TRIM36: variants seen among roughly 807,000 people sequenced by gnomAD.
TRIM36 encodes tripartite motif containing 36.
TRIM36 carries 42 observed loss-of-function variants against 72.4 expected under a neutral mutation model. That is an observed-to-expected ratio of 0.58 (90% CI 0.45 to 0.75). The LOEUF is 0.75. Ranked by LOEUF, TRIM36 falls within the 30% of genes least tolerant of loss-of-function variation. The pLI, the probability that TRIM36 is intolerant of heterozygous loss-of-function variation, is 0.00. For missense variants in TRIM36, 913 were observed against 857.1 expected (o/e 1.07, Z -0.81); for synonymous variants, 315 against 282.8 (o/e 1.11, Z -1.14).
intron 1 of TRIM36, 55 bp downstream of exon 1, chr5:115,169,553 G>A: frequency 6.7e-7 from 1 of 1,484,812 alleles, no homozygotes; most frequent in African/African-American, 1.4e-5. Flanking sequence ...AAGAGAAAGA[G>A]CCGCGGTCGG....
chr5:115,140,294 T>G (rs1753207284), intron 5 of TRIM36, among the ~76,000 whole-genome samples: 1 of 152,220 alleles, frequency 6.6e-6, no homozygotes, highest in African/African-American at 2.4e-5. Context: ...CAACTTTGTT[T>G]CAAATGGAGA....
At position 115,147,066 on chromosome 5, in the gene TRIM36, T is replaced by C; in HGVS notation, c.588+3A>G. The stretch of plus-strand genomic sequence containing the variant: ...ATTCTAACTTAATAAAAACTTCACT[T>C]ACCTTGGGTCTGAAGTTAGTAGTTG... On this transcript the variant is annotated splice_donor_region_variant and intron_variant, in intron 3 of 9. Coordinates refer to ENST00000513154, the MANE Select transcript of TRIM36 (RefSeq NM_001300759.2). 2 of 1,602,628 alleles carry C rather than the reference T, an allele frequency of 1.2e-6. No individual in the cohort carries two copies. Among genetic ancestry groups the C allele is most frequent in the Middle Eastern group, 1.7e-4 (1 of 6,008 alleles).
intron 1 of TRIM36, among the ~76,000 whole-genome samples, chr5:115,178,613 T>C (rs544005486): frequency 6.6e-6 from 1 of 152,194 alleles, no homozygotes; most frequent in African/African-American, 2.4e-5. Context: ...TCGGATATAC[T>C]GGACAGTGTG....
At position 115,125,036 on chromosome 5, in the gene TRIM36, C is replaced by G. The variant is rs772268225; in HGVS notation, c.*1467G>C. ...TGGGAAATTAACAGCCTGCTAAACA[C>G]TGAAGTTCTCCATGATATTTGCTAC... is the stretch of plus-strand genomic sequence containing the variant. On this transcript the variant is annotated 3_prime_UTR_variant, in exon 10 of 10. Coordinates refer to ENST00000513154, the MANE Select transcript of TRIM36 (RefSeq NM_001300759.2). The G allele has an allele frequency of 1.0e-4, 16 of 152,408 alleles. No individual in the cohort carries two copies. Among genetic ancestry groups the G allele is most frequent in the Admixed American group, 2.0e-4 (3 of 15,232 alleles). The allele number at this position is 152,408 out of a possible 1,614,324, so 9.4% of individuals were successfully genotyped here.
chr5:115,170,357 C>T (rs571319002), upstream of TRIM36, among the ~76,000 whole-genome samples: 1 of 152,222 alleles, frequency 6.6e-6, no homozygotes, highest in Non-Finnish European at 1.5e-5. Flanking sequence ...ACTGCGCTTT[C>T]TTCACTCGCG....
Position 115,137,156 on chromosome 5 carries a change from C to A in TRIM36, c.1086-32G>T, listed in dbSNP as rs190325450. On this transcript the variant is annotated intron_variant, in intron 6 of 9. Coordinates refer to ENST00000513154, the MANE Select transcript of TRIM36 (RefSeq NM_001300759.2). ...ACAGATATTTTATATAAAAATGTTT[C>A]TTTAAGAAGTCAAATCAGACTAAAT... 3.2e-6 allele frequency: 5 copies of A among 1,542,968 alleles called. No individual in the cohort carries two copies. The African/African-American group carries it at 5.6e-5, about 17-fold the overall frequency.
intron 1 of TRIM36, 94 bp downstream of exon 1, chr5:115,169,514 G>C: frequency 7.4e-7 from 1 of 1,359,704 alleles, no homozygotes; most frequent in Non-Finnish European, 9.9e-7. Context: ...CTCCCGGGAG[G>C]AGGCTCCCTC....
chr5:115,148,326 C>T (rs941858480), intron 2 of TRIM36: 2 of 984,334 alleles, frequency 2.0e-6, no homozygotes, highest in Non-Finnish European at 2.4e-6. Flanking sequence ...CAATGCATGA[C>T]AGTCCTTACC....
At chr5:115,155,530 G>C (rs1754129318) in intron 2 of TRIM36, among the ~76,000 whole-genome samples, 1 of 152,082 alleles carries the variant, frequency 6.6e-6, no homozygotes, top group African/African-American at 2.4e-5. Flanking sequence ...CAATAAATGT[G>C]ATACACCACA....
At chr5:115,141,431 G>A in intron 4 of TRIM36, 57 bp from the exon 5 acceptor site, 1 of 1,312,096 alleles carries the variant, frequency 7.6e-7, no homozygotes, top group Non-Finnish European at 1.0e-6. Flanking sequence ...CAAAGACTTT[G>A]CAGAATTTTT....
intron 2 of TRIM36, chr5:115,149,369 G>A (rs1420363257): frequency 2.0e-5 from 3 of 151,586 alleles, no homozygotes; most frequent in African/African-American, 7.3e-5. Context: ...ATAATCGCAG[G>A]TTTCCACACA....
At chr5:115,139,001 A>T (rs184656134) in intron 5 of TRIM36, among the ~76,000 whole-genome samples, 1 of 151,370 alleles carries the variant, frequency 6.6e-6, no homozygotes, top group Non-Finnish European at 1.5e-5. Context: ...TTGTATTTTT[A>T]GTAGAGATGG....
intron 1 of TRIM36, among the ~76,000 whole-genome samples, chr5:115,176,690 T>TA (rs978511379): frequency 9.2e-5 from 14 of 152,256 alleles, no homozygotes; most frequent in Admixed American, 5.2e-4. Context: ...GAAGCGGTGA[T>TA]AAAAAAATTA....
At chr5:115,135,298 C>G (rs984203385) in intron 7 of TRIM36, among the ~76,000 whole-genome samples, 1 of 152,002 alleles carries the variant, frequency 6.6e-6, no homozygotes, top group Non-Finnish European at 1.5e-5. Context: ...CTCCTTATTC[C>G]CCAATGTATA....
Position 115,137,007 on chromosome 5 carries a change from G to A in TRIM36, c.1203C>T (p.Phe401=). The change falls in exon 7 of 10, where the codon TTC becomes TTT. Residue 401 remains phenylalanine (F), a synonymous_variant. Transcript: ENST00000513154. Reference sequence around the variant, plus strand: ...GCCTTCATTAAGACTTACCACTAGAGAAAAAGGATAATTCTCCAAGAAGTT... The same window carrying A: ...GCCTTCATTAAGACTTACCACTAGAAAAAAAGGATAATTCTCCAAGAAGTT... ...QTELLGELSF[F]SSGIDVPEIN... 6.3e-7 allele frequency: 1 copy of A among 1,595,290 alleles called. No individual in the cohort carries two copies. The highest frequency in any genetic ancestry group is 8.5e-7 in the Non-Finnish European group (1 of 1,173,802).
rs749345057 is a variant in TRIM36, at chr5:115,144,626, G to C, written c.707C>G (p.Thr236Ser). 10 of 1,613,910 alleles carry C rather than the reference G, an allele frequency of 6.2e-6. No individual in the cohort carries two copies. The East Asian group carries it at 1.8e-4, about 29-fold the overall frequency. ...TAAGGTTTTGTAGGCACTGCTCATA[G>C]TGGTTACACGGTGGTTGGCATGATT... The part of the protein sequence containing the change: ...GGNHANHRVT[T>S]MSSAYKTLKE... The change falls in exon 4 of 10, where the codon ACT (threonine) becomes AGT (serine). Residue 236 changes from threonine (T) to serine (S), a missense_variant. Coordinates refer to ENST00000513154, the MANE Select transcript of TRIM36 (RefSeq NM_001300759.2).
At chr5:115,175,981 C>T (rs1202630955) in intron 1 of TRIM36, among the ~76,000 whole-genome samples, 1 of 152,004 alleles carries the variant, frequency 6.6e-6, no homozygotes, top group African/African-American at 2.4e-5. Context: ...AAAAAATTAG[C>T]CGGGCATGGT....
rs749185502 is a variant in TRIM36 at position 115,130,723 on chromosome 5, A to G, written c.1665T>C (p.Thr555=). The stretch of plus-strand genomic sequence containing the variant: ...AGAAGTGTTTTCCTTTTGTAATGCC[A>G]GTATCTCCAATGATGTAGTCTAAGC... ...YTSLDYIIGD[T]GITKGKHFWA... The change falls in exon 9 of 10, where the codon ACT becomes ACC. Residue 555 remains threonine, a synonymous_variant. Transcript: ENST00000513154. The G allele has an allele frequency of 1.2e-6, 2 of 1,614,172 alleles. No individual in the cohort carries two copies. Among genetic ancestry groups the G allele is most frequent in the Admixed American group, 1.7e-5 (1 of 60,016 alleles).
At position 115,137,403 on chromosome 5, in the gene TRIM36, G is replaced by C. The variant is rs1357956166; in HGVS notation, c.1045C>G (p.Gln349Glu). Residue 349 changes from glutamine to glutamate, a missense_variant, in exon 6 of 10, where the codon CAG becomes GAG. Gln to Glu is a conservative substitution (Grantham distance 29). Coordinates refer to ENST00000513154, the MANE Select transcript of TRIM36 (RefSeq NM_001300759.2). The stretch of plus-strand genomic sequence containing the variant: ...TTTGCTGTCTGCACAAAGCAAGACT[G>C]ATCTGTCTCCTTTAGCACTTCTTGA... ...YAQEVLKETD[Q>E]SCFVQTAKQL... is the part of the protein sequence containing the mutation. 1 of 1,614,012 alleles carries C rather than the reference G, an allele frequency of 6.2e-7. No homozygotes were observed. Among genetic ancestry groups the C allele is most frequent in the East Asian group, 2.2e-5 (1 of 44,864 alleles).
Sources: gnomAD v4.1 joint callset for allele counts (sites outside exome capture counted in the v4.1 genomes callset) on GRCh38, gnomAD v4.1.1 for gene constraint, MANE v1.5 for transcripts, NCBI Gene and HGNC (gene_info 2026-07-23, HGNC 2026-07-21) for gene names.